KCNK13: variants seen among roughly 807,000 people sequenced by gnomAD.
KCNK13 encodes potassium channel subfamily K member 13.
Under a neutral mutation model 23.4 loss-of-function variants are expected in KCNK13, and 12 were observed. That is an observed-to-expected ratio of 0.51 (90% confidence interval 0.33 to 0.83). The LOEUF (loss-of-function observed/expected upper bound fraction) is 0.83, where lower values mean the gene tolerates loss of function less well. Among genes scored for constraint, KCNK13 ranks in the 40% least tolerant of loss-of-function variants. KCNK13 has a pLI of 0.02. For missense variants in KCNK13, 463 were observed against 556.3 expected, an observed-to-expected ratio of 0.83 and a Z score of 1.69; for synonymous variants, 231 against 229.5, an observed-to-expected ratio of 1.01 and a Z score of -0.06.
chr14:90,078,409 G>GAT (rs1555401414), intron 1 of KCNK13, among the ~76,000 whole-genome samples: 21 of 139,402 alleles, frequency 1.5e-4, no homozygotes, highest in Non-Finnish European at 2.7e-4. Flanking sequence ...GACAGAGCAA[G>GAT]ACAGTCTCAA....
At chr14:90,094,422 A>C (rs1164898491) in intron 1 of KCNK13, among the ~76,000 whole-genome samples, 2 of 152,106 alleles carry the variant, frequency 1.3e-5, no homozygotes, top group Non-Finnish European at 2.9e-5. Context: ...TATTTCTTGT[A>C]ATCTATGAGT....
chr14:90,143,146 A>T (rs369535715), intron 1 of KCNK13, among the ~76,000 whole-genome samples: 1 of 115,752 alleles, frequency 8.6e-6, no homozygotes, highest in Non-Finnish European at 1.8e-5. Context: ...AAGAGCAGAA[A>T]CTTTCTTTCT....
intron 1 of KCNK13, among the ~76,000 whole-genome samples, chr14:90,111,273 C>A (rs1349396078): frequency 6.6e-6 from 1 of 152,148 alleles, no homozygotes; most frequent in Non-Finnish European, 1.5e-5. Context: ...GAGTTGGCCA[C>A]CCACTGAGGT....
intron 1 of KCNK13, among the ~76,000 whole-genome samples, chr14:90,074,071 G>A (rs531931877): frequency 2.6e-5 from 4 of 152,278 alleles, no homozygotes; most frequent in African/African-American, 9.6e-5. Context: ...CCAGGTTCAA[G>A]TGATTCTTCC....
At chr14:90,121,628 G>T (rs1037248657) in intron 1 of KCNK13, among the ~76,000 whole-genome samples, 1 of 152,190 alleles carries the variant, frequency 6.6e-6, no homozygotes, top group Non-Finnish European at 1.5e-5. Flanking sequence ...AGCAGCAAAG[G>T]TCAGGAGGGA....
chr14:90,089,022 T>A (rs1198580265), intron 1 of KCNK13, among the ~76,000 whole-genome samples: 1 of 152,222 alleles, frequency 6.6e-6, no homozygotes, highest in Non-Finnish European at 1.5e-5. Flanking sequence ...CTCGGATATG[T>A]CTTTATCAGC....
At chr14:90,079,161 T>C (rs1889178265) in intron 1 of KCNK13, among the ~76,000 whole-genome samples, 1 of 152,046 alleles carries the variant, frequency 6.6e-6, no homozygotes, top group Non-Finnish European at 1.5e-5. Flanking sequence ...CACGTCGACA[T>C]GCTAGGTAGT....
intron 1 of KCNK13, among the ~76,000 whole-genome samples, chr14:90,098,375 C>T (rs190308396): frequency 6.6e-6 from 1 of 152,266 alleles, no homozygotes. Flanking sequence ...ATTTATATAA[C>T]AATATTAAGC....
intron 1 of KCNK13, among the ~76,000 whole-genome samples, chr14:90,144,495 C>CT (rs71117323): frequency 0.018 from 2,202 of 119,136 alleles, 95 homozygotes; most frequent in Middle Eastern, 0.035. Context: ...TTTACTTTCT[C>CT]TTTTTTTTTT....
intron 1 of KCNK13, among the ~76,000 whole-genome samples, chr14:90,121,560 A>G (rs191691974): frequency 1.7e-4 from 26 of 152,130 alleles, no homozygotes; most frequent in Admixed American, 9.8e-4. Context: ...TATTAACTCT[A>G]TTTTCTCCCA....
At chr14:90,100,463 G>T (rs1296368465) in intron 1 of KCNK13, among the ~76,000 whole-genome samples, 1 of 152,114 alleles carries the variant, frequency 6.6e-6, no homozygotes, top group African/African-American at 2.4e-5. Context: ...CTGTTTGCTG[G>T]AGAGAACATT....
intron 1 of KCNK13, among the ~76,000 whole-genome samples, chr14:90,096,159 C>CT (rs1889407881): frequency 6.6e-6 from 1 of 152,164 alleles, no homozygotes; most frequent in African/African-American, 2.4e-5. Flanking sequence ...TTTATAGAGA[C>CT]TTTATTATAT....
At chr14:90,124,389 G>A (rs1889772289) in intron 1 of KCNK13, among the ~76,000 whole-genome samples, 1 of 152,164 alleles carries the variant, frequency 6.6e-6, no homozygotes. Flanking sequence ...AATCACATGA[G>A]GTCTTAAAAG....
intron 1 of KCNK13, among the ~76,000 whole-genome samples, chr14:90,120,348 G>C (rs1328691290): frequency 6.6e-6 from 1 of 152,160 alleles, no homozygotes; most frequent in Non-Finnish European, 1.5e-5. Flanking sequence ...TTTACTTTGA[G>C]TTTTATCTAC....
At chr14:90,095,877 T>C (rs1889404776) in intron 1 of KCNK13, among the ~76,000 whole-genome samples, 1 of 152,204 alleles carries the variant, frequency 6.6e-6, no homozygotes, top group South Asian at 2.1e-4. Flanking sequence ...GTTTGATCTG[T>C]GCTTCTGACT....
chr14:90,077,040 C>G (rs929690975), intron 1 of KCNK13, among the ~76,000 whole-genome samples: 1 of 149,768 alleles, frequency 6.7e-6, no homozygotes, highest in Non-Finnish European at 1.5e-5. Flanking sequence ...AGGATGGTCT[C>G]GATCTCCTGA....
At chr14:90,148,573 T>C (rs1515411) in intron 1 of KCNK13, among the ~76,000 whole-genome samples, 149,079 of 152,320 alleles carry the variant, frequency 0.98, 72,974 homozygotes, top group Non-Finnish European at 0.98. Context: ...GGTAGGCAAA[T>C]GATGTACAGG....
chr14:90,091,599 A>G (rs1179553302), intron 1 of KCNK13, among the ~76,000 whole-genome samples: 1 of 152,140 alleles, frequency 6.6e-6, no homozygotes, highest in Admixed American at 6.5e-5. Flanking sequence ...GGCTGCTCTT[A>G]AACCTGGAAT....
At chr14:90,110,282 C>G (rs12147425) in intron 1 of KCNK13, among the ~76,000 whole-genome samples, 8 of 152,096 alleles carry the variant, frequency 5.3e-5, no homozygotes, top group Admixed American at 3.3e-4. Context: ...GAGGCCAAGA[C>G]GGGTGGATGA....
Sources: allele counts gnomAD v4.1 joint callset (sites outside exome capture counted in the v4.1 genomes callset), GRCh38; gene constraint gnomAD v4.1.1; transcripts MANE v1.5; gene names NCBI Gene and HGNC (gene_info 2026-07-23, HGNC 2026-07-21).